Variants in TRAT1 observed in about 807,000 individuals in gnomAD.
The protein encoded by TRAT1 is T-cell receptor-associated transmembrane adapter 1.
A neutral mutation model predicts 20.0 loss-of-function variants in TRAT1; 20 were observed. The ratio of observed to expected loss-of-function variants is 1.00; its 90% CI spans 0.70 to 1.45. TRAT1 has a LOEUF of 1.45. Ranked by LOEUF, TRAT1 falls within the 40% of genes most tolerant of loss-of-function variation. TRAT1 has a pLI of 0.00. For missense variants in TRAT1, 237 were observed against 224.1 expected, an observed-to-expected ratio of 1.06 and a Z score of -0.37; for synonymous variants, 77 against 74.2, an observed-to-expected ratio of 1.04 and a Z score of -0.20.
chr3:108,835,617 T>C (rs1945831837), intron 2 of TRAT1, among the ~76,000 whole-genome samples: 2 of 152,218 alleles, frequency 1.3e-5, no homozygotes, highest in African/African-American at 4.8e-5. Context: ...CTGCAGATTA[T>C]ACATTTACAT....
intron 3 of TRAT1, among the ~76,000 whole-genome samples, chr3:108,842,891 G>C (rs941632956): frequency 6.6e-6 from 1 of 152,208 alleles, no homozygotes; most frequent in African/African-American, 2.4e-5. Flanking sequence ...TGAGAATTTA[G>C]TGTTAGATAT....
intron 2 of TRAT1, among the ~76,000 whole-genome samples, chr3:108,835,366 T>A (rs931296044): frequency 5.3e-5 from 8 of 152,208 alleles, no homozygotes; most frequent in African/African-American, 1.9e-4. Context: ...AAGCATACAC[T>A]TTTTTTATTT....
At position 108,824,476 on chromosome 3, in the gene TRAT1, T is replaced by C. The variant is rs377391927; in HGVS notation, c.7+1542T>C. Among the ~76,000 whole-genome samples, 6 of 152,294 alleles carry C rather than the reference T, an allele frequency of 3.9e-5. No individual in the cohort carries two copies. In the East Asian group the frequency reaches 7.7e-4, roughly 20 times the overall value. On this transcript the variant is annotated intron_variant, in intron 1 of 5. Transcript: ENST00000295756. ...ACTTTGATTATAATGAGGTTGAACA[T>C]TTTTGCATGGATTTTTAAACTGTTT... is the stretch of plus-strand genomic sequence containing the variant.
chr3:108,825,122 AG>A (rs1362472237), intron 1 of TRAT1, among the ~76,000 whole-genome samples: 1 of 105,656 alleles, frequency 9.5e-6, no homozygotes, highest in African/African-American at 2.9e-5. Flanking sequence ...ATCAGATGAT[AG>A]TATTTTTTAT....
chr3:108,835,272 T>C (rs1199411674), intron 2 of TRAT1, among the ~76,000 whole-genome samples: 2 of 152,248 alleles, frequency 1.3e-5, no homozygotes, highest in East Asian at 3.8e-4. Flanking sequence ...CACAAGTGTT[T>C]GCATCTGAAT....
At chr3:108,836,486 A>C (rs1278813443) in intron 2 of TRAT1, among the ~76,000 whole-genome samples, 3 of 152,104 alleles carry the variant, frequency 2.0e-5, no homozygotes, top group African/African-American at 7.2e-5. Flanking sequence ...GATTTTAGTA[A>C]TTTCATTTCA....
intron 5 of TRAT1, among the ~76,000 whole-genome samples, chr3:108,852,415 AC>A (rs1946006247): frequency 6.6e-6 from 1 of 152,114 alleles, no homozygotes; most frequent in African/African-American, 2.4e-5. Context: ...ACACACACAC[AC>A]ACACACAGCA....
intron 3 of TRAT1, among the ~76,000 whole-genome samples, chr3:108,840,979 T>C (rs1945891638): frequency 6.6e-6 from 1 of 152,228 alleles, no homozygotes; most frequent in Non-Finnish European, 1.5e-5. Flanking sequence ...AGGGGCAACA[T>C]GATATGCTGG....
chr3:108,853,822 A>G lies in TRAT1; in HGVS notation c.506A>G (p.Asp169Gly), dbSNP rs1330262756. ...CAGGCAGTAGAGGAAAACATTCATG[A>G]TGATCCCATCAGACTGTTTGGATTG... ...ESQAVEENIH[D>G]DPIRLFGLIR... The change falls in exon 6 of 6, where the codon GAT becomes GGT. Residue 169 changes from aspartate to glycine, a missense_variant. Coordinates refer to ENST00000295756, the MANE Select transcript of TRAT1 (RefSeq NM_016388.4). 2 of 1,613,898 alleles carry G rather than the reference A, an allele frequency of 1.2e-6. No individual in the cohort carries two copies. The highest frequency in any genetic ancestry group is 2.7e-5 in the African/African-American group (2 of 74,926).
At chr3:108,831,069 A>G (rs949720714) in intron 2 of TRAT1, among the ~76,000 whole-genome samples, 10 of 152,204 alleles carry the variant, frequency 6.6e-5, no homozygotes, top group African/African-American at 2.4e-4. Flanking sequence ...TGAAAAACCT[A>G]TGAAATTGTA....
chr3:108,836,368 T>A (rs7644338), intron 2 of TRAT1, among the ~76,000 whole-genome samples: 2,396 of 152,312 alleles, frequency 0.016, 56 homozygotes, highest in African/African-American at 0.054. Flanking sequence ...TTTCTTATTC[T>A]TATTAAGCAA....
rs377744633 is a variant in TRAT1 at position 108,836,209 on chromosome 3, T to C, written c.119-2725T>C. Among the ~76,000 whole-genome samples the C allele has an allele frequency of 3.4e-3, 511 of 152,256 alleles. 2 individuals carry two copies. Among genetic ancestry groups the C allele is most frequent in the South Asian group, 0.011 (55 of 4,828 alleles). ...CTGGGATTACAGGCATGAGCCACCGTGCCCGGCCAGAGTTAGTTTTTATGT... is the reference window on the plus strand; with the variant it reads ...CTGGGATTACAGGCATGAGCCACCGCGCCCGGCCAGAGTTAGTTTTTATGT... On this transcript the variant is annotated intron_variant, in intron 2 of 5. Coordinates refer to ENST00000295756, the MANE Select transcript of TRAT1 (RefSeq NM_016388.4).
chr3:108,841,333 T>C (rs979608754), intron 3 of TRAT1, among the ~76,000 whole-genome samples: 27 of 152,252 alleles, frequency 1.8e-4, no homozygotes, highest in African/African-American at 6.0e-4. Flanking sequence ...CACAAGTTTA[T>C]GTATATACCT....
In TRAT1 at chr3:108,853,985, T is replaced by A. The variant is rs957227256; in HGVS notation, c.*108T>A. On this transcript the variant is annotated 3_prime_UTR_variant, in exon 6 of 6. Transcript: ENST00000295756. ...ACTTGGCAGCAGGGTGATGACCTGA[T>A]CATTTGTTGATGGGATGGTGGCTTA... 3.8e-6 allele frequency: 4 copies of A among 1,039,174 alleles called. No individual in the cohort carries two copies. The African/African-American group carries it at 4.8e-5, about 12-fold the overall frequency. 64.4% of individuals were successfully genotyped at this position (1,039,174 alleles called of 1,614,324 possible).
chr3:108,831,155 A>T (rs1945788428), intron 2 of TRAT1, among the ~76,000 whole-genome samples: 1 of 152,222 alleles, frequency 6.6e-6, no homozygotes, highest in Non-Finnish European at 1.5e-5. Context: ...TTAAGATTCC[A>T]TTCAAGCCAA....
chr3:108,842,822 A>C (rs1945906817), intron 3 of TRAT1, among the ~76,000 whole-genome samples: 1 of 152,218 alleles, frequency 6.6e-6, no homozygotes, highest in African/African-American at 2.4e-5. Flanking sequence ...CATTGTGCTT[A>C]ACAGACTTTA....
rs1416305272 is a variant in TRAT1 at position 108,841,045 on chromosome 3, TG to T, written c.152+2079del. On this transcript the variant is annotated intron_variant, in intron 3 of 5. Transcript: ENST00000295756. Reference sequence around the variant, plus strand: ...TGAGAGACTAGAATAAAACCTAGGCTGTTCCAGCTGATTCTTCTTTATCCCT... The same window carrying T: ...TGAGAGACTAGAATAAAACCTAGGCTTTCCAGCTGATTCTTCTTTATCCCT... Among the ~76,000 whole-genome samples, 4 of 152,234 alleles carry T rather than the reference TG, an allele frequency of 2.6e-5. No homozygotes were observed. In the East Asian group the frequency reaches 7.7e-4, roughly 29 times the overall value.
At chr3:108,843,842 T>C (rs898184051) in intron 3 of TRAT1, among the ~76,000 whole-genome samples, 5 of 152,220 alleles carry the variant, frequency 3.3e-5, no homozygotes, top group Admixed American at 2.0e-4. Context: ...CTTGATTCTC[T>C]GGGCTCTGAG....
At chr3:108,823,549 C>A (rs1430443744) in intron 1 of TRAT1, among the ~76,000 whole-genome samples, 1 of 152,030 alleles carries the variant, frequency 6.6e-6, no homozygotes, top group East Asian at 1.9e-4. Flanking sequence ...CTTTTTGTTG[C>A]AAAAGGAAAC....
Sources: gnomAD v4.1 joint callset for allele counts (sites outside exome capture counted in the v4.1 genomes callset) on GRCh38, gnomAD v4.1.1 for gene constraint, MANE v1.5 for transcripts, NCBI Gene and HGNC (gene_info 2026-07-23, HGNC 2026-07-21) for gene names.